The following SDHAF2 variants were observed in gnomAD, a reference collection of about 807,000 sequenced individuals.
SDHAF2 encodes the protein succinate dehydrogenase assembly factor 2, mitochondrial.
SDHAF2 carries 21 observed loss-of-function variants against 18.5 expected under a neutral mutation model. The ratio of observed to expected loss-of-function variants is 1.13; its 90% confidence interval spans 0.80 to 1.63. The LOEUF (loss-of-function observed/expected upper bound fraction) is 1.63, where lower values mean the gene tolerates loss of function less well. SDHAF2 is among the 40% of genes most tolerant of loss of function. The pLI is 0.00. For synonymous variants in SDHAF2, 84 were observed against 70.7 expected, an observed-to-expected ratio of 1.19 and a Z score of -0.94; for missense variants, 195 against 200.3, an observed-to-expected ratio of 0.97 and a Z score of 0.16.
chr11:61,440,125 G>A (rs1257759062), intron 3 of SDHAF2, among the ~76,000 whole-genome samples: 3 of 152,178 alleles, frequency 2.0e-5, no homozygotes, highest in Middle Eastern at 6.8e-3. Context: ...GACCAGCCTG[G>A]CCAGCATGAC....
chr11:61,442,567 T>C (rs915713121), intron 3 of SDHAF2, among the ~76,000 whole-genome samples: 13 of 152,240 alleles, frequency 8.5e-5, no homozygotes, highest in Admixed American at 2.6e-4. Context: ...GCATTTGATA[T>C]TTATCGTGCT....
At position 61,446,397 on chromosome 11, in the gene SDHAF2, C is replaced by T. The variant is rs1240775609; in HGVS notation, c.*326C>T. On this transcript the variant is annotated 3_prime_UTR_variant, in exon 4 of 4. Transcript: ENST00000301761. ...CGAAGCAGTTGTGCTTGCTCATTGCCTCAGCCCAAGTGTACTCAAAGAAAA... is the reference window on the plus strand; with the variant it reads ...CGAAGCAGTTGTGCTTGCTCATTGCTTCAGCCCAAGTGTACTCAAAGAAAA... 4 of 594,322 alleles carry T rather than the reference C, an allele frequency of 6.7e-6. No individual in the cohort carries two copies. Among genetic ancestry groups the T allele is most frequent in the Non-Finnish European group, 1.2e-5 (4 of 334,382 alleles). The allele number at this position is 594,322 out of a possible 1,614,324, so 36.8% of individuals were successfully genotyped here.
chr11:61,437,632 C>G lies in SDHAF2; in HGVS notation c.44C>G (p.Ala15Gly). The G allele has an allele frequency of 6.2e-7, 1 of 1,613,772 alleles. No homozygotes were observed. Among genetic ancestry groups the G allele is most frequent in the Non-Finnish European group, 8.5e-7 (1 of 1,179,628 alleles). The change falls in exon 2 of 4, where the codon GCT becomes GGT. Residue 15 changes from alanine to glycine, a missense_variant. Ala to Gly is a moderately conservative substitution (Grantham distance 60, BLOSUM62 0). Coordinates refer to ENST00000301761, the MANE Select transcript of SDHAF2 (RefSeq NM_017841.4). ...GTGGTTTGTTCATTTCAGATGCTTG[C>G]TCTGTCAAGGCACAGCCTATTGTCT... ...TVFSTSSLMLALSRHSLLSPL... is the reference protein window; with the variant it reads ...TVFSTSSLMLGLSRHSLLSPL...
Position 61,446,330 on chromosome 11 carries a change from G to T in SDHAF2, c.*259G>T. The T allele has an allele frequency of 1.6e-6, 1 of 606,236 alleles. No homozygotes were observed. Among genetic ancestry groups the T allele is most frequent in the Non-Finnish European group, 2.9e-6 (1 of 340,486 alleles). The allele number at this position is 606,236 out of a possible 1,614,324, so 37.6% of individuals were successfully genotyped here. ...GCTGGCATGCAGGCTTTGCCTGGCT[G>T]CTATCTCTAGAGGCAAGTCTGCCAC... On this transcript the variant is annotated 3_prime_UTR_variant, in exon 4 of 4. Transcript: ENST00000301761.
intron 1 of SDHAF2, 130 bp from the exon 2 acceptor site, chr11:61,437,495 C>T: frequency 1.1e-6 from 1 of 871,990 alleles, no homozygotes; most frequent in Non-Finnish European, 2.0e-6. Flanking sequence ...CGCCACCACG[C>T]CTGGCCAGCA....
At position 61,444,749 on chromosome 11, in the gene SDHAF2, A is replaced by C. The variant is rs116595198; in HGVS notation, c.371-1192A>C. Reference sequence around the variant, plus strand: ...CAGAGTGAGACTCGTCTCAAACAAAAAAAAAAATTTTTTTAGCTGAATTCC... The same window carrying C: ...CAGAGTGAGACTCGTCTCAAACAAACAAAAAAATTTTTTTAGCTGAATTCC... On this transcript the variant is annotated intron_variant, in intron 3 of 3. Transcript: ENST00000301761. Among the ~76,000 whole-genome samples the C allele has an allele frequency of 3.5e-3, 527 of 152,218 alleles. 6 individuals carry two copies. The highest frequency in any genetic ancestry group is 0.012 in the African/African-American group (505 of 41,512).
intron 3 of SDHAF2, chr11:61,444,272 C>T (rs1490984944): frequency 6.6e-6 from 1 of 152,262 alleles, no homozygotes; most frequent in Non-Finnish European, 1.5e-5. Flanking sequence ...ATGTTGACCT[C>T]TCAGAAGCAG....
At chr11:61,442,539 T>C (rs1862080794) in intron 3 of SDHAF2, among the ~76,000 whole-genome samples, 1 of 152,258 alleles carries the variant, frequency 6.6e-6, no homozygotes, top group African/African-American at 2.4e-5. Flanking sequence ...GGTATTTATT[T>C]GATATTTATA....
chr11:61,438,164 A>T, intron 3 of SDHAF2, 51 bp downstream of exon 3: 2 of 1,337,292 alleles, frequency 1.5e-6, no homozygotes, highest in Non-Finnish European at 2.2e-6. Context: ...GTTTAGGCTG[A>T]TTTGAGTCTA....
At chr11:61,439,844 C>T (rs564288352) in intron 3 of SDHAF2, among the ~76,000 whole-genome samples, 1 of 152,280 alleles carries the variant, frequency 6.6e-6, no homozygotes, top group East Asian at 1.9e-4. Flanking sequence ...ATCTTTTGAC[C>T]AGCTGAGGGA....
intron 1 of SDHAF2, chr11:61,435,457 C>T (rs1297792695): frequency 1.3e-5 from 2 of 152,122 alleles, no homozygotes; most frequent in East Asian, 3.9e-4. Context: ...TATTCATGTG[C>T]TTGGTAACTT....
In SDHAF2 at chr11:61,446,315, A is replaced by G. The variant is rs900575541; in HGVS notation, c.*244A>G. On this transcript the variant is annotated 3_prime_UTR_variant, in exon 4 of 4. Transcript: ENST00000301761. ...TGATTTGTCAGCAGCGCTGGCATGC[A>G]GGCTTTGCCTGGCTGCTATCTCTAG... 1.6e-6 allele frequency: 1 copy of G among 610,376 alleles called. No homozygotes were observed. The highest frequency in any genetic ancestry group is 1.8e-5 in the African/African-American group (1 of 54,198). The allele number at this position is 610,376 out of a possible 1,614,324, so 37.8% of individuals were successfully genotyped here. A position where few individuals can be genotyped will look rare whatever the true frequency, so the allele number is the denominator to read the frequency against.
rs2134892466 is a variant in SDHAF2, at chr11:61,437,813, A to G, written c.225A>G (p.Arg75=). 1 of 1,613,988 alleles carries G rather than the reference A, an allele frequency of 6.2e-7. No individual in the cohort carries two copies. The highest frequency in any genetic ancestry group is 8.5e-7 in the Non-Finnish European group (1 of 1,179,988). Residue 75 remains arginine (R), a synonymous_variant, in exon 2 of 4, where the codon AGA becomes AGG. Transcript: ENST00000301761. The part of the protein sequence containing the change: ...TKRARLLYES[R]KRGMLENCIL... ...GAGCCCGCCTGCTCTATGAGAGCAG[A>G]AAGAGGGGAATGTTGGAAAACTGCA...
At chr11:61,441,231 A>C (rs1039651768) in intron 3 of SDHAF2, among the ~76,000 whole-genome samples, 9 of 152,100 alleles carry the variant, frequency 5.9e-5, no homozygotes, top group African/African-American at 2.2e-4. Context: ...CTTCTGTGCT[A>C]AGCAAAAGAG....
intron 1 of SDHAF2, chr11:61,436,901 T>G (rs1447615704): frequency 1.6e-6 from 2 of 1,287,418 alleles, no homozygotes; most frequent in African/African-American, 3.0e-5. Flanking sequence ...CTTCTCTGGA[T>G]TGGGAGCCTT....
At chr11:61,436,931 C>A in intron 1 of SDHAF2, 1 of 1,280,996 alleles carries the variant, frequency 7.8e-7, no homozygotes, top group Non-Finnish European at 1.0e-6. Context: ...AGGGATCATG[C>A]TGTCTCTGTG....
Position 61,437,993 on chromosome 11 carries a change from CTTGTT to C in SDHAF2, c.261-8_261-4del. ...TCAACCTCTTTTTCTTTTTTTCTTT[CTTGTT>C]TTTAGTCTTTTTGCTAAAGAACATC... On this transcript the variant is annotated splice_region_variant and splice_polypyrimidine_tract_variant and intron_variant, in intron 2 of 3. Coordinates refer to ENST00000301761, the MANE Select transcript of SDHAF2 (RefSeq NM_017841.4). 1 of 1,612,384 alleles carries C rather than the reference CTTGTT, an allele frequency of 6.2e-7. No individual in the cohort carries two copies. Among genetic ancestry groups the C allele is most frequent in the Non-Finnish European group, 8.5e-7 (1 of 1,178,844 alleles).
chr11:61,445,179 A>C (rs531005538), intron 3 of SDHAF2, among the ~76,000 whole-genome samples: 1 of 152,176 alleles, frequency 6.6e-6, no homozygotes, highest in Admixed American at 6.5e-5. Context: ...TCTGGAGCAC[A>C]TTGCCTCGGC....
intron 1 of SDHAF2, chr11:61,430,518 A>G: frequency 2.2e-6 from 1 of 454,886 alleles, no homozygotes; most frequent in Non-Finnish European, 3.9e-6. Context: ...TCGTGGTTTC[A>G]CATAGTATCT....
Sources: gnomAD v4.1 joint callset for allele counts (sites outside exome capture counted in the v4.1 genomes callset) on GRCh38, gnomAD v4.1.1 for gene constraint, MANE v1.5 for transcripts, NCBI Gene and HGNC (gene_info 2026-07-23, HGNC 2026-07-21) for gene names.